C10orf67: variants seen among roughly 807,000 people sequenced by gnomAD.
C10orf67 encodes uncharacterized protein C10orf67, mitochondrial.
Under a neutral mutation model 35.6 loss-of-function variants are expected in C10orf67, and 60 were observed. The ratio of observed to expected loss-of-function variants is 1.68; its 90% CI spans 1.37 to 2.09. The LOEUF (loss-of-function observed/expected upper bound fraction) is 2.09, where lower values mean the gene tolerates loss of function less well. Among genes scored for constraint, C10orf67 ranks in the 30% most tolerant of loss-of-function variants. C10orf67 has a pLI of 0.00. For synonymous variants in C10orf67, 167 were observed against 115.8 expected (o/e 1.44, Z -2.84); for missense variants, 474 against 330.2 (o/e 1.44, Z -3.38).
At chr10:23,329,984 C>T (rs1845382925) in intron 2 of C10orf67, among the ~76,000 whole-genome samples, 1 of 152,046 alleles carries the variant, frequency 6.6e-6, no homozygotes, top group Non-Finnish European at 1.5e-5. Context: ...CCAAATTTTA[C>T]CACATCATCA....
At chr10:23,339,281 G>C (rs1301663259) in intron 1 of C10orf67, among the ~76,000 whole-genome samples, 1 of 151,884 alleles carries the variant, frequency 6.6e-6, no homozygotes, top group African/African-American at 2.4e-5. Context: ...ATACCAAGGG[G>C]CAATTGGGTT....
chr10:23,266,373 A>G lies in C10orf67; in HGVS notation c.1089T>C (p.Ser363=). 2.5e-6 allele frequency: 1 copy of G among 398,540 alleles called. No individual in the cohort carries two copies. Among genetic ancestry groups the G allele is most frequent in the Non-Finnish European group, 4.4e-6 (1 of 226,046 alleles). The allele number at this position is 398,540 out of a possible 1,614,324, so 24.7% of individuals were successfully genotyped here. ...REASLSPWPK[S]PPSTTALRPH... ...GCCTCAAAGCTGTGGTGCTGGGTGG[A>G]GACTTGGGCCATGGGGACAAAGAGG... The change falls in exon 10 of 16, where the codon TCT becomes TCC. Residue 363 remains serine, a synonymous_variant. Transcript: ENST00000636213.
At chr10:23,315,584 G>A (rs1238265369) in intron 4 of C10orf67, among the ~76,000 whole-genome samples, 1 of 151,724 alleles carries the variant, frequency 6.6e-6, no homozygotes, top group Non-Finnish European at 1.5e-5. Flanking sequence ...GACCCTAGGC[G>A]CATGTCCCCA....
chr10:23,220,656 A>G (rs1841551383), intron 15 of C10orf67, among the ~76,000 whole-genome samples: 1 of 152,212 alleles, frequency 6.6e-6, no homozygotes, highest in South Asian at 2.1e-4. Context: ...CTTCTTTGCA[A>G]TATAAACCTA....
At chr10:23,327,497 A>C (rs1272855536) in intron 2 of C10orf67, among the ~76,000 whole-genome samples, 1 of 152,164 alleles carries the variant, frequency 6.6e-6, no homozygotes, top group African/African-American at 2.4e-5. Context: ...ATATAGAAAA[A>C]ATACATAAAT....
At chr10:23,304,576 G>A (rs1317697889) in intron 4 of C10orf67, among the ~76,000 whole-genome samples, 1 of 152,092 alleles carries the variant, frequency 6.6e-6, no homozygotes, top group Non-Finnish European at 1.5e-5. Context: ...GCTTGCCCAG[G>A]AGCCTGGCAG....
At chr10:23,280,070 G>T (rs1432891835) in intron 8 of C10orf67, among the ~76,000 whole-genome samples, 1 of 151,980 alleles carries the variant, frequency 6.6e-6, no homozygotes, top group Admixed American at 6.6e-5. Context: ...GCTCAGGCAG[G>T]TCTCGAACTC....
chr10:23,317,791 C>T (rs1316532476), intron 4 of C10orf67: 7 of 151,792 alleles, frequency 4.6e-5, no homozygotes, highest in Admixed American at 1.3e-4. Flanking sequence ...TTCTTCCTTC[C>T]GTCTTCTTCC....
chr10:23,206,264 G>A (rs1040294985), intron 15 of C10orf67, among the ~76,000 whole-genome samples: 9 of 152,266 alleles, frequency 5.9e-5, no homozygotes, highest in African/African-American at 2.2e-4. Flanking sequence ...CTGAAAGGAT[G>A]GTCATCCAAT....
chr10:23,227,130 A>G (rs1463711989), intron 13 of C10orf67, among the ~76,000 whole-genome samples: 1 of 152,166 alleles, frequency 6.6e-6, no homozygotes. Flanking sequence ...TGGCAGACAC[A>G]CAACAAAAGA....
chr10:23,315,518 A>G (rs868352088), intron 4 of C10orf67, among the ~76,000 whole-genome samples: 2 of 152,242 alleles, frequency 1.3e-5, no homozygotes, highest in Admixed American at 6.5e-5. Flanking sequence ...GGCTCACTGC[A>G]GCCTTAACTT....
intron 12 of C10orf67, among the ~76,000 whole-genome samples, chr10:23,249,467 G>A (rs571632641): frequency 7.7e-4 from 117 of 152,260 alleles, no homozygotes; most frequent in Middle Eastern, 3.4e-3. Context: ...ACGAAACACG[G>A]GTAGGAGATC....
chr10:23,266,970 C>T (rs901832697), intron 9 of C10orf67, among the ~76,000 whole-genome samples: 1 of 152,098 alleles, frequency 6.6e-6, no homozygotes, highest in African/African-American at 2.4e-5. Flanking sequence ...GTCTTGAACT[C>T]CTGGACTCAA....
intron 2 of C10orf67, among the ~76,000 whole-genome samples, chr10:23,328,188 A>G (rs1295170291): frequency 6.6e-6 from 1 of 152,124 alleles, no homozygotes; most frequent in Non-Finnish European, 1.5e-5. Context: ...AAAATCTACG[A>G]TCTATAGGCA....
At chr10:23,223,014 C>T (rs1344757340) in intron 15 of C10orf67, among the ~76,000 whole-genome samples, 1 of 152,026 alleles carries the variant, frequency 6.6e-6, no homozygotes. Context: ...GGTTTGTTGG[C>T]AGTTTAATTT....
intron 4 of C10orf67, among the ~76,000 whole-genome samples, chr10:23,305,383 A>G (rs1252742704): frequency 6.6e-6 from 1 of 152,210 alleles, no homozygotes; most frequent in Non-Finnish European, 1.5e-5. Flanking sequence ...TGTGTCTATA[A>G]TCCCAGCTAC....
At chr10:23,328,539 C>T (rs909406189) in intron 2 of C10orf67, among the ~76,000 whole-genome samples, 3 of 152,156 alleles carry the variant, frequency 2.0e-5, no homozygotes, top group Non-Finnish European at 4.4e-5. Context: ...AATGAATCTA[C>T]ATCACACAGA....
At chr10:23,330,601 G>A (rs1427613642) in intron 2 of C10orf67, among the ~76,000 whole-genome samples, 1 of 152,160 alleles carries the variant, frequency 6.6e-6, no homozygotes, top group South Asian at 2.1e-4. Flanking sequence ...TTAGCCGGGC[G>A]TGGTGGCCGG....
intron 8 of C10orf67, among the ~76,000 whole-genome samples, chr10:23,270,599 C>A (rs1842991732): frequency 6.6e-6 from 1 of 152,346 alleles, no homozygotes; most frequent in African/African-American, 2.4e-5. Context: ...GGCCCCACTT[C>A]CATGGTGCCT....
Sources: gnomAD v4.1 joint callset for allele counts (sites outside exome capture counted in the v4.1 genomes callset) on GRCh38, gnomAD v4.1.1 for gene constraint, MANE v1.5 for transcripts, NCBI Gene and HGNC (gene_info 2026-07-23, HGNC 2026-07-21) for gene names.